RUNDC3B: variants seen among roughly 807,000 people sequenced by gnomAD.
RUNDC3B encodes RUN domain containing 3B.
Under a neutral mutation model 58.4 loss-of-function variants are expected in RUNDC3B, and 33 were observed. The ratio of observed to expected loss-of-function variants is 0.56; its 90% CI spans 0.43 to 0.75. The LOEUF (loss-of-function observed/expected upper bound fraction) is 0.75. RUNDC3B is among the 30% of genes least tolerant of loss of function. The pLI, the probability that RUNDC3B is intolerant of heterozygous loss-of-function variation, is 0.00. For synonymous variants in RUNDC3B, 193 were observed against 195.2 expected (o/e 0.99, Z 0.10); for missense variants, 501 against 535.7 (o/e 0.94, Z 0.64).
rs373344881 is a variant in RUNDC3B at position 87,652,621 on chromosome 7, GAT to G, written c.238+1708_238+1709del. 5.1e-3 allele frequency among the ~76,000 whole-genome samples: 635 copies of G among 125,094 alleles called. 9 individuals are homozygous for G. Among genetic ancestry groups the G allele is most frequent in the East Asian group, 0.028 (120 of 4,342 alleles). The allele number at this position is 125,094 out of a possible 152,430, so 82.1% of individuals were successfully genotyped here. A position where few individuals can be genotyped will look rare whatever the true frequency, so the allele number is the denominator to read the frequency against. ...CTGTCAGTTGACTCTTGTGGTCACT[GAT>G]ATATATATATATATATATATATAGT... On this transcript the variant is annotated intron_variant, in intron 2 of 10. Coordinates refer to ENST00000394654, the MANE Select transcript of RUNDC3B (RefSeq NM_001134405.2).
intron 6 of RUNDC3B, among the ~76,000 whole-genome samples, chr7:87,759,400 ATC>A (rs991566415): frequency 8.5e-4 from 129 of 152,234 alleles, no homozygotes; most frequent in African/African-American, 2.9e-3. Flanking sequence ...AATGAATAAG[ATC>A]TAGTATTTGA....
chr7:87,690,098 G>A (rs1021523244), intron 2 of RUNDC3B, among the ~76,000 whole-genome samples: 1 of 151,930 alleles, frequency 6.6e-6, no homozygotes, highest in African/African-American at 2.4e-5. Context: ...CTAAAGGGCC[G>A]GGAATACAGG....
chr7:87,628,584 CGTGTGTGTGTGTGTGTGT>C lies in RUNDC3B; in HGVS notation c.-216_-199del, dbSNP rs71117546. On this transcript the variant is annotated 5_prime_UTR_variant, in exon 1 of 11. Coordinates refer to ENST00000394654, the MANE Select transcript of RUNDC3B (RefSeq NM_001134405.2). The stretch of plus-strand genomic sequence containing the variant: ...CGAGGGCGGAGGTGGTGCGTGCGTG[CGTGTGTGTGTGTGTGTGT>C]GTGTGTGTGTGTGTGTGTGTGTGGA... 2.1e-4 allele frequency: 62 copies of C among 290,760 alleles called. 1 individual carries two copies. Among genetic ancestry groups the C allele is most frequent in the African/African-American group, 2.4e-4 (10 of 41,764 alleles). 18.0% of individuals were successfully genotyped at this position (290,760 alleles called of 1,614,324 possible). A position where few individuals can be genotyped will look rare whatever the true frequency, so the allele number is the denominator to read the frequency against.
chr7:87,784,153 G>C (rs1206866135), intron 8 of RUNDC3B, among the ~76,000 whole-genome samples: 1 of 152,120 alleles, frequency 6.6e-6, no homozygotes, highest in African/African-American at 2.4e-5. Context: ...TGGCTTCCTT[G>C]AAATGGATTT....
intron 2 of RUNDC3B, among the ~76,000 whole-genome samples, chr7:87,685,636 AG>A (rs1827383495): frequency 6.6e-6 from 1 of 152,200 alleles, no homozygotes. Flanking sequence ...ACCAAACTGT[AG>A]TATCAGAGAA....
chr7:87,725,889 C>A lies in RUNDC3B; in HGVS notation c.459-13902C>A, dbSNP rs568385325. Among the ~76,000 whole-genome samples, 6 of 152,242 alleles carry A rather than the reference C, an allele frequency of 3.9e-5. No individual in the cohort carries two copies. In the East Asian group the frequency reaches 9.7e-4, roughly 25 times the overall value. On this transcript the variant is annotated intron_variant, in intron 4 of 10. Coordinates refer to ENST00000394654, the MANE Select transcript of RUNDC3B (RefSeq NM_001134405.2). ...TGTCTGTTGGCTGCATAAATGTCTT[C>A]TTTTGAGAAGTGTCTGTTCATATCC...
At chr7:87,720,024 C>T (rs1830780502) in intron 4 of RUNDC3B, among the ~76,000 whole-genome samples, 1 of 146,470 alleles carries the variant, frequency 6.8e-6, no homozygotes, top group South Asian at 2.1e-4. Flanking sequence ...AAAAACTTTG[C>T]AAAGCAAAAA....
intron 2 of RUNDC3B, among the ~76,000 whole-genome samples, chr7:87,691,491 A>G (rs1828008026): frequency 6.6e-6 from 1 of 152,150 alleles, no homozygotes; most frequent in Non-Finnish European, 1.5e-5. Context: ...TAAGCTACAT[A>G]GTGTTAAATA....
chr7:87,743,671 T>C (rs190987074), intron 6 of RUNDC3B, among the ~76,000 whole-genome samples: 277 of 152,340 alleles, frequency 1.8e-3, no homozygotes, highest in African/African-American at 6.5e-3. Context: ...GTTTGGTTTT[T>C]TTCATACTGA....
chr7:87,694,240 C>G lies in RUNDC3B; in HGVS notation c.239-6181C>G, dbSNP rs575553163. ...AAATATTACGTGTGAAGTAGCAGCT[C>G]AGGGAAGCTGTATGAATATTCCAGT... is the stretch of plus-strand genomic sequence containing the variant. On this transcript the variant is annotated intron_variant, in intron 2 of 10. Coordinates refer to ENST00000394654, the MANE Select transcript of RUNDC3B (RefSeq NM_001134405.2). 2.0e-5 allele frequency among the ~76,000 whole-genome samples: 3 copies of G among 152,152 alleles called. No individual in the cohort carries two copies. The East Asian group carries it at 5.8e-4, about 29-fold the overall frequency.
At chr7:87,773,322 C>CAAAAAAA (rs760846940) in intron 7 of RUNDC3B, among the ~76,000 whole-genome samples, 3 of 58,168 alleles carry the variant, frequency 5.2e-5, no homozygotes, top group African/African-American at 1.2e-4. Context: ...GACTCCGTCT[C>CAAAAAAA]AAAAAAAAAA....
chr7:87,777,363 A>G (rs1834693340), intron 7 of RUNDC3B, among the ~76,000 whole-genome samples: 1 of 152,246 alleles, frequency 6.6e-6, no homozygotes, highest in African/African-American at 2.4e-5. Context: ...CTGGAATATG[A>G]CACTAGGCCA....
intron 4 of RUNDC3B, among the ~76,000 whole-genome samples, chr7:87,720,542 ATGTGTGTGTGTGTGTGTGTGTG>A (rs3028189): frequency 1.4e-5 from 2 of 145,184 alleles, no homozygotes; most frequent in Admixed American, 6.9e-5. Context: ...GATAGGATAT[ATGTGTGTGTGTGTGTGTGTGTG>A]TGTGTGTGTG....
intron 8 of RUNDC3B, among the ~76,000 whole-genome samples, chr7:87,785,832 T>A (rs1371557040): frequency 6.6e-6 from 1 of 152,218 alleles, no homozygotes; most frequent in East Asian, 1.9e-4. Flanking sequence ...GTTTGAGCTC[T>A]GCCTCTGCAT....
At chr7:87,734,597 A>T (rs1831808866) in intron 4 of RUNDC3B, among the ~76,000 whole-genome samples, 1 of 152,172 alleles carries the variant, frequency 6.6e-6, no homozygotes, top group South Asian at 2.1e-4. Flanking sequence ...TGCTAATTTC[A>T]TGATTACACT....
rs866004904 is a variant in RUNDC3B at position 87,710,646 on chromosome 7, A to G, written c.449A>G (p.Lys150Arg). Residue 150 changes from lysine (K) to arginine (R), a missense_variant, in exon 4 of 11, where the codon AAA becomes AGA. Transcript: ENST00000394654. Reference sequence around the variant, plus strand: ...ATCTCTACAGCTCTGAGAGACTTCAAAACAACCAGGTTTAAAAGTCCTTTT... The same window carrying G: ...ATCTCTACAGCTCTGAGAGACTTCAGAACAACCAGGTTTAAAAGTCCTTTT... ...EYISTALRDF[K>R]TTRRFYEDGA... is the part of the protein sequence containing the mutation. 1.3e-6 allele frequency: 2 copies of G among 1,578,718 alleles called. No individual in the cohort carries two copies. Among genetic ancestry groups the G allele is most frequent in the Middle Eastern group, 3.7e-4 (2 of 5,344 alleles).
intron 2 of RUNDC3B, among the ~76,000 whole-genome samples, chr7:87,698,175 C>T (rs1828668426): frequency 6.6e-6 from 1 of 152,196 alleles, no homozygotes; most frequent in Non-Finnish European, 1.5e-5. Context: ...TCTCGGCTCA[C>T]TGCAAGCTCC....
chr7:87,677,605 A>G (rs1353378963), intron 2 of RUNDC3B, among the ~76,000 whole-genome samples: 1 of 152,176 alleles, frequency 6.6e-6, no homozygotes, highest in Non-Finnish European at 1.5e-5. Context: ...TATATTGTGT[A>G]CTTGAAAATT....
chr7:87,648,754 A>G lies in RUNDC3B; in HGVS notation c.123-2068A>G, dbSNP rs28381761. Among the ~76,000 whole-genome samples, 10 of 152,292 alleles carry G rather than the reference A, an allele frequency of 6.6e-5. No individual in the cohort carries two copies. The South Asian group carries it at 1.0e-3, about 16-fold the overall frequency. ...GTTTTTAATGTTTTGACAAAAATTT[A>G]TAAAGGTCACAGGAAAATTATAATT... is the stretch of plus-strand genomic sequence containing the variant. On this transcript the variant is annotated intron_variant, in intron 1 of 10. Coordinates refer to ENST00000394654, the MANE Select transcript of RUNDC3B (RefSeq NM_001134405.2).
Sources: gnomAD v4.1 joint callset for allele counts (sites outside exome capture counted in the v4.1 genomes callset) on GRCh38, gnomAD v4.1.1 for gene constraint, MANE v1.5 for transcripts, NCBI Gene and HGNC (gene_info 2026-07-23, HGNC 2026-07-21) for gene names.